STAU2: variants seen among roughly 807,000 people sequenced by gnomAD.
The protein encoded by STAU2 is staufen double-stranded RNA binding protein 2.
STAU2 carries 20 observed loss-of-function variants against 65.9 expected under a neutral mutation model. The observed-to-expected ratio is 0.30, with a 90% CI of 0.21 to 0.44. The LOEUF (loss-of-function observed/expected upper bound fraction) is 0.44. Among genes scored for constraint, STAU2 ranks in the 20% least tolerant of loss-of-function variants. The pLI is 1.00. For synonymous variants in STAU2, 232 were observed against 233.9 expected, an observed-to-expected ratio of 0.99 and a Z score of 0.07; for missense variants, 558 against 683.9, an observed-to-expected ratio of 0.82 and a Z score of 2.05.
intron 4 of STAU2, among the ~76,000 whole-genome samples, chr8:73,704,675 T>C (rs908369185): frequency 2.6e-5 from 4 of 152,182 alleles, no homozygotes; most frequent in African/African-American, 9.7e-5. Flanking sequence ...AGTAAGATTT[T>C]TGTTTGTTTT....
chr8:73,742,550 A>T (rs2130792499), intron 1 of STAU2, among the ~76,000 whole-genome samples: 1 of 151,818 alleles, frequency 6.6e-6, no homozygotes, highest in South Asian at 2.1e-4. Context: ...AATAATTAAA[A>T]AAAAAATCCA....
At chr8:73,487,997 A>G (rs576720540) in intron 13 of STAU2, among the ~76,000 whole-genome samples, 1 of 152,182 alleles carries the variant, frequency 6.6e-6, no homozygotes, top group East Asian at 1.9e-4. Flanking sequence ...ACAAAAAAAC[A>G]TTTTGTGTGG....
chr8:73,518,220 C>T (rs1261803719), intron 13 of STAU2, among the ~76,000 whole-genome samples: 1 of 152,158 alleles, frequency 6.6e-6, no homozygotes, highest in Non-Finnish European at 1.5e-5. Context: ...ATTCAAAATT[C>T]AGTCAAGTCT....
intron 4 of STAU2, among the ~76,000 whole-genome samples, chr8:73,707,077 A>G (rs1484050935): frequency 6.6e-6 from 1 of 152,222 alleles, no homozygotes; most frequent in Non-Finnish European, 1.5e-5. Context: ...AAGGCAGAAG[A>G]AGCAAAACTG....
At chr8:73,637,513 A>T (rs565828074) in intron 6 of STAU2, among the ~76,000 whole-genome samples, 1 of 139,928 alleles carries the variant, frequency 7.1e-6, no homozygotes, top group East Asian at 2.3e-4. Context: ...AAAGAAAAGA[A>T]AAAAAAGAAA....
At chr8:73,484,484 T>C (rs1820806574) in intron 13 of STAU2, among the ~76,000 whole-genome samples, 1 of 152,142 alleles carries the variant, frequency 6.6e-6, no homozygotes, top group Non-Finnish European at 1.5e-5. Context: ...CCTGGAAATC[T>C]TGCAGAGTAG....
chr8:73,567,193 G>A (rs558013908), intron 12 of STAU2, among the ~76,000 whole-genome samples: 1 of 152,172 alleles, frequency 6.6e-6, no homozygotes, highest in East Asian at 1.9e-4. Flanking sequence ...CAGACACTGT[G>A]CTATGTGATT....
intron 13 of STAU2, among the ~76,000 whole-genome samples, chr8:73,528,385 T>A (rs1805584319): frequency 6.6e-6 from 1 of 152,214 alleles, no homozygotes. Flanking sequence ...ATATTATCTT[T>A]CATTTAGTTA....
chr8:73,739,413 C>T (rs1235999716), intron 2 of STAU2, among the ~76,000 whole-genome samples: 1 of 151,960 alleles, frequency 6.6e-6, no homozygotes, highest in Admixed American at 6.6e-5. Flanking sequence ...TTGTGATACA[C>T]AGCAAAAGGC....
intron 4 of STAU2, among the ~76,000 whole-genome samples, chr8:73,705,575 C>G (rs182859721): frequency 6.6e-6 from 1 of 152,098 alleles, no homozygotes; most frequent in East Asian, 1.9e-4. Flanking sequence ...CAAACCAAAA[C>G]AATAATCTGT....
At chr8:73,423,532 C>T (rs1199499322) in intron 13 of STAU2, among the ~76,000 whole-genome samples, 1 of 152,168 alleles carries the variant, frequency 6.6e-6, no homozygotes, top group Non-Finnish European at 1.5e-5. Context: ...CTGAGATGGG[C>T]ATGAGCAGGC....
chr8:73,469,857 G>C (rs1035544229), intron 13 of STAU2, among the ~76,000 whole-genome samples: 1 of 152,194 alleles, frequency 6.6e-6, no homozygotes, highest in African/African-American at 2.4e-5. Flanking sequence ...CCGCTGAGCA[G>C]ATTTATGAGT....
intron 9 of STAU2, among the ~76,000 whole-genome samples, chr8:73,606,242 AAT>A (rs1424674084): frequency 1.3e-5 from 2 of 151,696 alleles, no homozygotes; most frequent in African/African-American, 4.8e-5. Context: ...ATAATAATAA[AAT>A]AAACATAATA....
chr8:73,670,171 A>G (rs1031093147), intron 6 of STAU2, among the ~76,000 whole-genome samples: 2 of 152,176 alleles, frequency 1.3e-5, no homozygotes, highest in Non-Finnish European at 2.9e-5. Context: ...TAAAACAACT[A>G]CAAGAGAAAT....
intron 13 of STAU2, among the ~76,000 whole-genome samples, chr8:73,544,030 C>T (rs1479647565): frequency 6.6e-6 from 1 of 152,152 alleles, no homozygotes; most frequent in African/African-American, 2.4e-5. Context: ...TCATCTCATC[C>T]ATAGTAAAAA....
At chr8:73,600,356 T>C (rs747066939) in intron 10 of STAU2, among the ~76,000 whole-genome samples, 2 of 152,200 alleles carry the variant, frequency 1.3e-5, no homozygotes, top group Non-Finnish European at 2.9e-5. Context: ...TGCCTTTTTT[T>C]CTGAAACTGG....
intron 13 of STAU2, among the ~76,000 whole-genome samples, chr8:73,466,485 G>T (rs1008612918): frequency 4.6e-5 from 7 of 152,148 alleles, no homozygotes; most frequent in African/African-American, 1.4e-4. Context: ...AGAAAAAGGG[G>T]GTGGAGGTAA....
chr8:73,542,857 A>G (rs781601549), intron 13 of STAU2, among the ~76,000 whole-genome samples: 2 of 152,348 alleles, frequency 1.3e-5, no homozygotes, highest in Admixed American at 1.3e-4. Flanking sequence ...GTAATACATT[A>G]AAATAGAATC....
At chr8:73,451,724 C>A (rs1818809401) in intron 13 of STAU2, among the ~76,000 whole-genome samples, 1 of 152,052 alleles carries the variant, frequency 6.6e-6, no homozygotes, top group African/African-American at 2.4e-5. Flanking sequence ...GCTGTTTGTG[C>A]AGCTGAGGAC....
Sources: allele counts gnomAD v4.1 joint callset (sites outside exome capture counted in the v4.1 genomes callset), GRCh38; gene constraint gnomAD v4.1.1; transcripts MANE v1.5; gene names NCBI Gene and HGNC (gene_info 2026-07-23, HGNC 2026-07-21).